The following COL28A1 variants were observed in gnomAD, a reference collection of about 807,000 sequenced individuals.
COL28A1 encodes the protein collagen type XXVIII alpha 1 chain, also known as collagen alpha-1(XXVIII) chain.
In COL28A1, 161 loss-of-function variants were observed where a neutral mutation model predicts 150.2. That is an observed-to-expected ratio of 1.07 (90% CI 0.94 to 1.22). The LOEUF is 1.22. COL28A1 is among the 50% of genes most tolerant of loss of function. COL28A1 has a pLI of 0.00. For missense variants in COL28A1, 1,617 were observed against 1,388.3 expected, an observed-to-expected ratio of 1.16 and a Z score of -2.62; for synonymous variants, 552 against 469.7, an observed-to-expected ratio of 1.18 and a Z score of -2.26.
upstream of COL28A1, among the ~76,000 whole-genome samples, chr7:7,537,373 G>A (rs1782681474): frequency 6.6e-6 from 1 of 152,158 alleles, no homozygotes; most frequent in Non-Finnish European, 1.5e-5. Flanking sequence ...GGGAAAACAT[G>A]TCAACTCCAC....
chr7:7,339,372 T>A, the COL28A1 span, among the ~76,000 whole-genome samples: 1 of 152,164 alleles, frequency 6.6e-6, no homozygotes, highest in Non-Finnish European at 1.5e-5. Context: ...GGTCTCTGTA[T>A]CTGTCCTGTT....
At position 7,373,549 on chromosome 7, in the gene COL28A1, A is replaced by C; in HGVS notation, c.2360-3T>G. 1 of 1,604,434 alleles carries C rather than the reference A, an allele frequency of 6.2e-7. No homozygotes were observed. The highest frequency in any genetic ancestry group is 8.5e-7 in the Non-Finnish European group (1 of 1,175,166). On this transcript the variant is annotated splice_polypyrimidine_tract_variant and splice_region_variant and intron_variant, in intron 31 of 34. Transcript: ENST00000399429. This position sits in a 1 kb window ranked among gnomAD's most constrained non-coding sequence, Gnocchi z 4.1. ...CTCTTTGCATTTGGGCCCACAACCT[A>C]AAAGATGAATGTTGAGAGAGAAAAA... is the stretch of plus-strand genomic sequence containing the variant.
intron 27 of COL28A1, among the ~76,000 whole-genome samples, chr7:7,405,435 T>C (rs2128301272): frequency 6.6e-6 from 1 of 152,332 alleles, no homozygotes; most frequent in South Asian, 2.1e-4. Context: ...ACATCAAATT[T>C]CATTTTTCAA....
At chr7:7,448,904 C>CA (rs1271486617) in intron 18 of COL28A1, among the ~76,000 whole-genome samples, 4 of 151,782 alleles carry the variant, frequency 2.6e-5, no homozygotes, top group Non-Finnish European at 4.4e-5. Context: ...TCTATGATGA[C>CA]AAAAAACAGA....
chr7:7,507,418 T>C (rs563924268), intron 9 of COL28A1, among the ~76,000 whole-genome samples: 1 of 152,322 alleles, frequency 6.6e-6, no homozygotes, highest in East Asian at 1.9e-4. Context: ...ATTTTGGTCA[T>C]TTTGGTTACA....
chr7:7,518,058 G>C (rs1346470766), intron 6 of COL28A1, among the ~76,000 whole-genome samples: 2 of 151,504 alleles, frequency 1.3e-5, no homozygotes, highest in Non-Finnish European at 2.9e-5. Flanking sequence ...GTAGGGTGCA[G>C]GATCCAGGTA....
chr7:7,456,203 CTATCTT>C, intron 15 of COL28A1, 91 bp from the exon 16 acceptor site: 1 of 1,480,002 alleles, frequency 6.8e-7, no homozygotes, highest in Non-Finnish European at 9.0e-7. Context: ...GTGTTAAAAT[CTATCTT>C]TATACTATAA....
intron 3 of COL28A1, among the ~76,000 whole-genome samples, chr7:7,524,644 C>T (rs1019621314): frequency 6.6e-6 from 1 of 152,088 alleles, no homozygotes; most frequent in Non-Finnish European, 1.5e-5. Flanking sequence ...CAATTTTTTC[C>T]ATCCCTATGC....
chr7:7,346,158 A>C, the COL28A1 span, among the ~76,000 whole-genome samples: 1 of 151,932 alleles, frequency 6.6e-6, no homozygotes, highest in East Asian at 1.9e-4. Context: ...TATTTGCTCT[A>C]ATTTCCCATT....
intron 3 of COL28A1, among the ~76,000 whole-genome samples, chr7:7,526,608 T>C (rs1782038219): frequency 6.6e-6 from 1 of 152,152 alleles, no homozygotes; most frequent in South Asian, 2.1e-4. Context: ...TTTGTCACTT[T>C]AAAATCTTTT....
chr7:7,392,088 T>G (rs896759173), intron 27 of COL28A1, among the ~76,000 whole-genome samples: 6 of 152,296 alleles, frequency 3.9e-5, no homozygotes, highest in South Asian at 2.1e-4. Context: ...TCTTTAGAAT[T>G]TGGTATGTTT....
chr7:7,370,873 T>G lies in COL28A1; in HGVS notation c.2918A>C (p.Lys973Thr). 3.1e-6 allele frequency: 5 copies of G among 1,609,092 alleles called. No individual in the cohort carries two copies. In the South Asian group the frequency reaches 5.5e-5, roughly 18 times the overall value. Residue 973 changes from lysine (K) to threonine (T), a missense_variant, in exon 33 of 35, where the codon AAG becomes ACG. Transcript: ENST00000399429. ...ACAAATTTTTTGAAACAATTTTTGC[T>G]TCAGGGTGTCTTTTAAAAAAGAAGT... ...DDFFTLQDTL[K>T]QKLFQKICED...
At chr7:7,402,065 C>T (rs936508614) in intron 27 of COL28A1, among the ~76,000 whole-genome samples, 14 of 152,284 alleles carry the variant, frequency 9.2e-5, no homozygotes, top group East Asian at 1.9e-4. Flanking sequence ...TAAGCAAAAG[C>T]GTGTAGTGAC....
At chr7:7,521,796 C>T (rs1467835922) in intron 5 of COL28A1, 109 bp downstream of exon 5, 2 of 728,498 alleles carry the variant, frequency 2.7e-6, no homozygotes, top group Admixed American at 4.1e-5. Context: ...CTCCCATTTC[C>T]AAACAATTGC....
At chr7:7,526,667 G>A (rs1583574103) in intron 3 of COL28A1, among the ~76,000 whole-genome samples, 1 of 151,560 alleles carries the variant, frequency 6.6e-6, no homozygotes, top group East Asian at 1.9e-4. Context: ...ATGGAGTCTC[G>A]CCCTGTCACC....
intron 22 of COL28A1, 35 bp downstream of exon 22, chr7:7,437,359 T>C (rs1346910046): frequency 2.5e-6 from 4 of 1,585,178 alleles, no homozygotes; most frequent in Non-Finnish European, 3.4e-6. Context: ...TGCCAAAGGG[T>C]CAAGAAAAAG....
intron 8 of COL28A1, 65 bp from the exon 9 acceptor site, chr7:7,511,200 G>C: frequency 7.6e-7 from 1 of 1,309,746 alleles, no homozygotes; most frequent in Non-Finnish European, 1.1e-6. Flanking sequence ...AAGAATGTTT[G>C]TTTGTTTGTT....
chr7:7,379,505 T>G (rs1210545994), intron 30 of COL28A1, among the ~76,000 whole-genome samples: 3 of 152,072 alleles, frequency 2.0e-5, no homozygotes, highest in Admixed American at 2.0e-4. Flanking sequence ...TATCACTCCG[T>G]AGGTGAACAT....
In COL28A1 at chr7:7,460,252, T is replaced by C. The variant is rs1787501062; in HGVS notation, c.1303-4140A>G. Reference sequence around the variant, plus strand: ...ACTCTGGATGGATTCCTGTTGGTCCTTGCTGGAGGGCATCAACACTAGTTT... The same window carrying C: ...ACTCTGGATGGATTCCTGTTGGTCCCTGCTGGAGGGCATCAACACTAGTTT... On this transcript the variant is annotated intron_variant, in intron 15 of 34. Coordinates refer to ENST00000399429, the MANE Select transcript of COL28A1 (RefSeq NM_001037763.3). Among the ~76,000 whole-genome samples the C allele has an allele frequency of 2.6e-5, 4 of 152,246 alleles. No homozygotes were observed. In the South Asian group the frequency reaches 8.3e-4, roughly 31 times the overall value.
Sources: allele counts gnomAD v4.1 joint callset (sites outside exome capture counted in the v4.1 genomes callset), GRCh38; gene constraint gnomAD v4.1.1; non-coding constraint Gnocchi (gnomAD v3.1); transcripts MANE v1.5; gene names NCBI Gene and HGNC (gene_info 2026-07-23, HGNC 2026-07-21).